Variants in PRR5 observed in about 807,000 individuals in gnomAD.
The protein encoded by PRR5 is proline-rich protein 5.
In PRR5, 25 loss-of-function variants were observed where a neutral mutation model predicts 30.6. The observed-to-expected ratio is 0.82, with a 90% confidence interval of 0.60 to 1.14. The LOEUF is 1.14. PRR5 is among the 50% of genes most tolerant of loss of function. The pLI is 0.00. For missense variants in PRR5, 600 were observed against 547.1 expected, an observed-to-expected ratio of 1.10 and a Z score of -0.96; for synonymous variants, 286 against 247.1, an observed-to-expected ratio of 1.16 and a Z score of -1.48.
intron 1 of PRR5, among the ~76,000 whole-genome samples, chr22:44,687,753 A>G (rs1474983229): frequency 6.6e-6 from 1 of 151,984 alleles, no homozygotes. Context: ...AGGCTGCCAC[A>G]CTTTCACTTA....
intron 2 of PRR5, among the ~76,000 whole-genome samples, chr22:44,720,652 G>A (rs1929787993): frequency 6.6e-6 from 1 of 152,198 alleles, no homozygotes; most frequent in Non-Finnish European, 1.5e-5. Context: ...CCTGGCCAGG[G>A]GCAGTGGGTC....
chr22:44,721,385 A>G (rs1488466787), intron 2 of PRR5, among the ~76,000 whole-genome samples: 1 of 152,162 alleles, frequency 6.6e-6, no homozygotes, highest in Non-Finnish European at 1.5e-5. Context: ...GAAAGCGACC[A>G]ATCAGAACCT....
intron 4 of PRR5, 49 bp downstream of exon 4, chr22:44,726,683 C>T: frequency 1.2e-6 from 2 of 1,613,026 alleles, no homozygotes; most frequent in East Asian, 2.2e-5. Flanking sequence ...TGGGTCCTGG[C>T]TGGCTGCTGG....
intron 4 of PRR5, chr22:44,729,655 C>A: frequency 1.0e-6 from 1 of 985,458 alleles, no homozygotes; most frequent in Non-Finnish European, 1.2e-6. Context: ...AACCCTACTG[C>A]CCCACAGAGG....
At position 44,737,353 on chromosome 22, in the gene PRR5, G is replaced by T. The variant is rs1287300976; in HGVS notation, c.*106G>T. 14 of 1,455,422 alleles carry T rather than the reference G, an allele frequency of 9.6e-6. No homozygotes were observed. The highest frequency in any genetic ancestry group is 1.3e-5 in the Non-Finnish European group (14 of 1,105,744). The allele number at this position is 1,455,422 out of a possible 1,614,324, so 90.2% of individuals were successfully genotyped here. On this transcript the variant is annotated 3_prime_UTR_variant, in exon 8 of 8. Transcript: ENST00000336985. ...TTTTTTACTGCGTCCCGTCCCGCCA[G>T]CCCTATCGGCCTCGTCACTGGCCTT... is the stretch of plus-strand genomic sequence containing the variant.
In PRR5 at chr22:44,691,978, G is replaced by C. The variant is rs904862252; in HGVS notation, c.-10-10514G>C. Reference sequence around the variant, plus strand: ...GCTCAATTGATGCCATCAGGAACGCGGGCCAAGTTTTGATGGGCTGTTTCC... The same window carrying C: ...GCTCAATTGATGCCATCAGGAACGCCGGCCAAGTTTTGATGGGCTGTTTCC... On this transcript the variant is annotated intron_variant, in intron 1 of 8. Coordinates refer to the PRR5 transcript ENST00000006251. The surrounding 1 kb of genome is among the most constrained non-coding windows in gnomAD (Gnocchi z 4.4). 6.6e-6 allele frequency among the ~76,000 whole-genome samples: 1 copy of C among 152,094 alleles called. No individual in the cohort carries two copies. The highest frequency in any genetic ancestry group is 1.5e-5 in the Non-Finnish European group (1 of 68,018).
intron 1 of PRR5, among the ~76,000 whole-genome samples, chr22:44,681,677 G>A (rs948329344): frequency 4.6e-5 from 7 of 152,176 alleles, no homozygotes; most frequent in African/African-American, 1.7e-4. Flanking sequence ...GGCGAGGATG[G>A]CTGTTGAACT....
At chr22:44,678,342 T>TG (rs1407400524) in intron 1 of PRR5, among the ~76,000 whole-genome samples, 1 of 149,368 alleles carries the variant, frequency 6.7e-6, no homozygotes, top group African/African-American at 2.4e-5. Context: ...TTTTTTTTTT[T>TG]GAGATGGAGT....
intron 1 of PRR5, among the ~76,000 whole-genome samples, chr22:44,696,886 A>G (rs1431819338): frequency 1.3e-5 from 2 of 152,048 alleles, no homozygotes; most frequent in East Asian, 1.9e-4. Flanking sequence ...ACAGGTGTGC[A>G]CCACCATATC....
At chr22:44,718,192 CTTTT>C (rs34868054) in intron 2 of PRR5, among the ~76,000 whole-genome samples, 1 of 94,578 alleles carries the variant, frequency 1.1e-5, no homozygotes, top group South Asian at 4.5e-4. Flanking sequence ...TTTCATCTCT[CTTTT>C]TTTTTTTTTT....
intron 6 of PRR5, among the ~76,000 whole-genome samples, chr22:44,733,836 C>A (rs1922686922): frequency 6.6e-6 from 1 of 152,292 alleles, no homozygotes; most frequent in South Asian, 2.1e-4. Context: ...GCCCCGAAAC[C>A]CCAAGAGTTC....
chr22:44,677,227 C>G (rs569251949), exon 1 of PRR5: 3 of 152,358 alleles, frequency 2.0e-5, no homozygotes, highest in Admixed American at 6.5e-5. Context: ...TGAGTCCTCT[C>G]GGCACCCAGC....
intron 2 of PRR5, among the ~76,000 whole-genome samples, chr22:44,724,873 C>T (rs997463712): frequency 4.6e-5 from 7 of 152,176 alleles, no homozygotes; most frequent in South Asian, 2.1e-4. Flanking sequence ...CCGTGGCATC[C>T]GGGATTTGGA....
intron 1 of PRR5, among the ~76,000 whole-genome samples, chr22:44,708,334 T>C (rs900092792): frequency 2.6e-5 from 4 of 152,228 alleles, no homozygotes; most frequent in African/African-American, 9.6e-5. Context: ...TAGTGACACA[T>C]GTGGGTTCAT....
At chr22:44,704,011 C>G (rs962782437) in intron 1 of PRR5, among the ~76,000 whole-genome samples, 1 of 152,222 alleles carries the variant, frequency 6.6e-6, no homozygotes, top group African/African-American at 2.4e-5. Context: ...CTGCCTCTTC[C>G]CTACTCTGTG....
At chr22:44,682,908 TGGG>T (rs1924424326) in intron 1 of PRR5, among the ~76,000 whole-genome samples, 1 of 152,126 alleles carries the variant, frequency 6.6e-6, no homozygotes, top group Admixed American at 6.6e-5. Flanking sequence ...GTGTGTGTGG[TGGG>T]GCAGGGCTAC....
chr22:44,732,612 G>T (rs1178821322), intron 6 of PRR5, among the ~76,000 whole-genome samples: 1 of 152,140 alleles, frequency 6.6e-6, no homozygotes, highest in Non-Finnish European at 1.5e-5. Flanking sequence ...TGGGCACAGG[G>T]CTGGGCCTTT....
intron 3 of PRR5, among the ~76,000 whole-genome samples, chr22:44,726,330 C>T (rs748955107): frequency 2.7e-4 from 41 of 152,256 alleles, no homozygotes; most frequent in Non-Finnish European, 5.0e-4. Flanking sequence ...GCTCTAGGCC[C>T]TGCCCACCTC....
At chr22:44,686,669 C>G (rs577752607) in intron 1 of PRR5, among the ~76,000 whole-genome samples, 14 of 152,312 alleles carry the variant, frequency 9.2e-5, no homozygotes, top group African/African-American at 3.4e-4. Flanking sequence ...GTGTACACCA[C>G]CACGCCCAGC....
Sources: gnomAD v4.1 joint callset for allele counts (sites outside exome capture counted in the v4.1 genomes callset) on GRCh38, gnomAD v4.1.1 for gene constraint, Gnocchi (gnomAD v3.1) non-coding constraint, MANE v1.5 for transcripts, NCBI Gene and HGNC (gene_info 2026-07-23, HGNC 2026-07-21) for gene names.